The following TMEM108 variants were observed in gnomAD, a reference collection of about 807,000 sequenced individuals.
TMEM108 encodes the protein transmembrane protein 108.
A neutral mutation model predicts 35.1 loss-of-function variants in TMEM108; 12 were observed. The observed-to-expected ratio is 0.34, with a 90% CI of 0.22 to 0.55. TMEM108 has a LOEUF of 0.55. Among genes scored for constraint, TMEM108 ranks in the 20% least tolerant of loss-of-function variants. The pLI, the probability that TMEM108 is intolerant of heterozygous loss-of-function variation, is 0.89. For synonymous variants in TMEM108, 287 were observed against 308.6 expected (o/e 0.93, Z 0.73); for missense variants, 680 against 753.3 (o/e 0.90, Z 1.14).
intron 1 of TMEM108, among the ~76,000 whole-genome samples, chr3:133,040,964 G>A (rs1296643501): frequency 1.3e-5 from 2 of 152,210 alleles, no homozygotes; most frequent in African/African-American, 4.8e-5. Flanking sequence ...GTCACATTGT[G>A]TAAGTATAAG....
chr3:133,130,777 G>A (rs796333067), intron 2 of TMEM108, among the ~76,000 whole-genome samples: 3 of 152,178 alleles, frequency 2.0e-5, no homozygotes, highest in South Asian at 4.1e-4. Flanking sequence ...GAGATTGCAG[G>A]TAATGTGCTG....
chr3:133,143,418 A>G (rs1170240725), intron 2 of TMEM108, among the ~76,000 whole-genome samples: 1 of 152,016 alleles, frequency 6.6e-6, no homozygotes, highest in Non-Finnish European at 1.5e-5. Flanking sequence ...GCTGTTTAAA[A>G]AAGAAAAAAA....
chr3:133,154,116 G>A lies in TMEM108; in HGVS notation c.-46-75150G>A, dbSNP rs181152069. Among the ~76,000 whole-genome samples, 1,244 of 151,706 alleles carry A rather than the reference G, an allele frequency of 8.2e-3. 6 individuals are homozygous for A. Among genetic ancestry groups the A allele is most frequent in the Non-Finnish European group, 0.013 (907 of 67,912 alleles). On this transcript the variant is annotated intron_variant, in intron 2 of 5. Coordinates refer to ENST00000321871, the MANE Select transcript of TMEM108 (RefSeq NM_023943.4). ...TGAGAAGTGTCTGTTCATATCCATC[G>A]CCCACTTTTTGATGGGGTTGTTTGT...
At chr3:133,214,139 T>C (rs1341188357) in intron 2 of TMEM108, among the ~76,000 whole-genome samples, 1 of 152,210 alleles carries the variant, frequency 6.6e-6, no homozygotes, top group African/African-American at 2.4e-5. Context: ...TACCTGGCCC[T>C]GGGCCAAGTG....
intron 3 of TMEM108, among the ~76,000 whole-genome samples, chr3:133,261,615 A>G (rs1031053590): frequency 6.6e-6 from 1 of 152,196 alleles, no homozygotes; most frequent in African/African-American, 2.4e-5. Context: ...TTTCCCTCTC[A>G]CAAGATCCAA....
At chr3:133,259,179 C>A (rs1946590187) in intron 3 of TMEM108, among the ~76,000 whole-genome samples, 1 of 152,196 alleles carries the variant, frequency 6.6e-6, no homozygotes, top group Non-Finnish European at 1.5e-5. Context: ...CTTTAATAAA[C>A]CTGGACTGAT....
chr3:133,065,593 G>T (rs1316459913), intron 2 of TMEM108, among the ~76,000 whole-genome samples: 1 of 152,038 alleles, frequency 6.6e-6, no homozygotes, highest in African/African-American at 2.4e-5. Context: ...CATCTATGCT[G>T]CATTTAATTA....
intron 2 of TMEM108, among the ~76,000 whole-genome samples, chr3:133,217,454 G>T (rs947888043): frequency 6.6e-6 from 1 of 151,672 alleles, no homozygotes; most frequent in African/African-American, 2.4e-5. Context: ...GTTTATTTTT[G>T]CTTTTGTTGC....
rs868051358 is a variant in TMEM108 at position 133,057,479 on chromosome 3, A to C, written c.-47+11459A>C. On this transcript the variant is annotated intron_variant, in intron 2 of 5. Transcript: ENST00000321871. ...TATATATATATATATATATATATAT[A>C]TATATATGTGGGTTTTCATGGAATT... 9.8e-3 allele frequency among the ~76,000 whole-genome samples: 715 copies of C among 73,108 alleles called. 29 individuals carry two copies. Among genetic ancestry groups the C allele is most frequent in the African/African-American group, 0.034 (668 of 19,872 alleles). 48.0% of individuals were successfully genotyped at this position (73,108 alleles called of 152,430 possible).
intron 2 of TMEM108, among the ~76,000 whole-genome samples, chr3:133,139,369 C>G (rs956833995): frequency 6.6e-6 from 1 of 152,132 alleles, no homozygotes; most frequent in African/African-American, 2.4e-5. Context: ...AAGAAAAAAA[C>G]AACCTCTGTT....
intron 4 of TMEM108, chr3:133,386,431 T>C (rs2073151129): frequency 1.3e-6 from 2 of 1,536,166 alleles, no homozygotes; most frequent in East Asian, 4.9e-5. Flanking sequence ...CAGCAGATCC[T>C]ATCACCTGAA....
chr3:133,063,358 G>A (rs1005109254), intron 2 of TMEM108, among the ~76,000 whole-genome samples: 12 of 152,080 alleles, frequency 7.9e-5, no homozygotes, highest in African/African-American at 2.9e-4. Context: ...CAAAGGTCAG[G>A]ATTTTACAGA....
chr3:133,392,981 A>C (rs1412159820), intron 5 of TMEM108, among the ~76,000 whole-genome samples: 2 of 152,084 alleles, frequency 1.3e-5, no homozygotes, highest in Non-Finnish European at 2.9e-5. Context: ...TCTTCTCTAC[A>C]TTTTGAATAA....
rs567718457 is a variant in TMEM108, at chr3:133,359,709, C to A, written c.41-20043C>A. Among the ~76,000 whole-genome samples the A allele has an allele frequency of 2.3e-4, 35 of 152,308 alleles. No homozygotes were observed. The South Asian group carries it at 7.3e-3, about 32-fold the overall frequency. ...TTACCTAAACAATCAATTAATCCAT[C>A]TGTCAGTCAACATAATTAAATTTTT... is the stretch of plus-strand genomic sequence containing the variant. On this transcript the variant is annotated intron_variant, in intron 3 of 5. Transcript: ENST00000321871.
chr3:133,061,212 C>CTTTTT lies in TMEM108; in HGVS notation c.-47+15205_-47+15209dup, dbSNP rs778632376. On this transcript the variant is annotated intron_variant, in intron 2 of 5. Transcript: ENST00000321871. The stretch of plus-strand genomic sequence containing the variant: ...AATGTTTGTACAATGGGCATGTCTC[C>CTTTTT]TTTTTTTTTTTTTTTTTGAGACAGA... Among the ~76,000 whole-genome samples, 20 of 129,998 alleles carry CTTTTT rather than the reference C, an allele frequency of 1.5e-4. 1 individual carries two copies. The highest frequency in any genetic ancestry group is 4.4e-4 in the East Asian group (2 of 4,530). 85.3% of individuals were successfully genotyped at this position (129,998 alleles called of 152,430 possible).
intron 2 of TMEM108, among the ~76,000 whole-genome samples, chr3:133,093,198 C>A (rs1234585053): frequency 6.6e-6 from 1 of 152,110 alleles, no homozygotes; most frequent in African/African-American, 2.4e-5. Context: ...ACCATGTTGG[C>A]CAGGCTGGTC....
intron 3 of TMEM108, among the ~76,000 whole-genome samples, chr3:133,305,799 T>C (rs1469615019): frequency 1.3e-5 from 2 of 152,108 alleles, no homozygotes; most frequent in Non-Finnish European, 2.9e-5. Context: ...GAAGTGATAT[T>C]CATTATGGTT....
At chr3:133,215,313 G>C (rs1209524170) in intron 2 of TMEM108, among the ~76,000 whole-genome samples, 1 of 149,870 alleles carries the variant, frequency 6.7e-6, no homozygotes, top group Non-Finnish European at 1.5e-5. Context: ...TCAGCACTTT[G>C]CTTGCAAGCC....
chr3:133,318,919 G>GAAAA (rs2071229913), intron 3 of TMEM108, among the ~76,000 whole-genome samples: 1 of 5,296 alleles, frequency 1.9e-4, no homozygotes, highest in Non-Finnish European at 4.5e-4. Flanking sequence ...TGCGAGATAG[G>GAAAA]CAAAAAAAAA....
Sources: allele counts gnomAD v4.1 joint callset (sites outside exome capture counted in the v4.1 genomes callset), GRCh38; gene constraint gnomAD v4.1.1; transcripts MANE v1.5; gene names NCBI Gene and HGNC (gene_info 2026-07-23, HGNC 2026-07-21).